The following ELP2 variants were observed in gnomAD, a reference collection of about 807,000 sequenced individuals.
ELP2 encodes the protein elongator acetyltransferase complex subunit 2, also known as elongator complex protein 2.
A neutral mutation model predicts 119.2 loss-of-function variants in ELP2; 90 were observed. The observed-to-expected ratio is 0.75, with a 90% CI of 0.64 to 0.90. The LOEUF (loss-of-function observed/expected upper bound fraction) is 0.90, where lower values mean the gene tolerates loss of function less well. ELP2 is among the 40% of genes least tolerant of loss of function. ELP2 has a pLI of 0.00. For synonymous variants in ELP2, 339 were observed against 331.0 expected, an observed-to-expected ratio of 1.02 and a Z score of -0.26; for missense variants, 921 against 967.8, an observed-to-expected ratio of 0.95 and a Z score of 0.64.
At chr18:36,164,704 A>C in intron 18 of ELP2, 37 bp downstream of exon 18, 1 of 1,588,202 alleles carries the variant, frequency 6.3e-7, no homozygotes, top group South Asian at 1.1e-5. Flanking sequence ...TATTAGTGAA[A>C]CAGTTATGTT....
chr18:36,179,007 G>C lies in ELP2; in HGVS notation c.*4366G>C, dbSNP rs745551325. The C allele has an allele frequency of 7.9e-5, 12 of 152,390 alleles. No homozygotes were observed. Among genetic ancestry groups the C allele is most frequent in the Non-Finnish European group, 1.6e-4 (11 of 68,034 alleles). The allele number at this position is 152,390 out of a possible 1,614,324, so 9.4% of individuals were successfully genotyped here. The stretch of plus-strand genomic sequence containing the variant: ...ATTGTGAGGAGTTCTTCCCCTTCTA[G>C]CATGTAGTGGATGGTCCAGTATTAA... On this transcript the variant is annotated 3_prime_UTR_variant, in exon 22 of 22. Coordinates refer to ENST00000358232, the MANE Select transcript of ELP2 (RefSeq NM_018255.4).
chr18:36,148,293 T>C (rs2090279130), intron 11 of ELP2, among the ~76,000 whole-genome samples: 1 of 151,876 alleles, frequency 6.6e-6, no homozygotes, highest in South Asian at 2.1e-4. Context: ...CGGGGCTTCA[T>C]GGTTTTAGCA....
intron 11 of ELP2, among the ~76,000 whole-genome samples, chr18:36,148,413 AGAGGCCT>A (rs1371631753): frequency 2.6e-5 from 4 of 152,202 alleles, no homozygotes; most frequent in African/African-American, 9.7e-5. Flanking sequence ...GGGGAAGATT[AGAGGCCT>A]GACCCTGAAG....
At chr18:36,154,483 C>G (rs760872462) in intron 11 of ELP2, among the ~76,000 whole-genome samples, 3 of 152,138 alleles carry the variant, frequency 2.0e-5, no homozygotes, top group Non-Finnish European at 4.4e-5. Flanking sequence ...TAGAATTGTC[C>G]TGTGTACTTT....
chr18:36,130,381 C>T (rs558119663), intron 1 of ELP2, among the ~76,000 whole-genome samples: 3 of 152,190 alleles, frequency 2.0e-5, no homozygotes, highest in East Asian at 3.8e-4. Context: ...AACTGTAGTA[C>T]CGTTAATCAA....
intron 1 of ELP2, among the ~76,000 whole-genome samples, chr18:36,131,026 T>C (rs970316562): frequency 1.7e-4 from 25 of 151,234 alleles, no homozygotes; most frequent in African/African-American, 4.1e-4. Context: ...AAAAAAAAAA[T>C]AGCTGGTTGT....
intron 5 of ELP2, chr18:36,139,590 T>G: frequency 2.0e-6 from 3 of 1,534,802 alleles, no homozygotes; most frequent in Non-Finnish European, 2.6e-6. Flanking sequence ...AGAATTTCAT[T>G]TCTTCCATCT....
chr18:36,164,791 CT>C (rs1469735444), intron 18 of ELP2, 124 bp downstream of exon 18: 1 of 931,424 alleles, frequency 1.1e-6, no homozygotes, highest in East Asian at 2.6e-5. Flanking sequence ...TCTTTGAAGC[CT>C]TTCAAAGTTC....
At chr18:36,171,439 T>A (rs1411778903) in intron 21 of ELP2, among the ~76,000 whole-genome samples, 2 of 152,258 alleles carry the variant, frequency 1.3e-5, no homozygotes, top group Admixed American at 1.3e-4. Flanking sequence ...AATGGTGTGT[T>A]GTAGAATTTG....
intron 2 of ELP2, among the ~76,000 whole-genome samples, chr18:36,133,953 A>T (rs1233792369): frequency 2.1e-4 from 24 of 112,906 alleles, no homozygotes; most frequent in Non-Finnish European, 3.3e-4. Context: ...TTTGTCACCC[A>T]GGCTGGAGTG....
At chr18:36,153,376 C>T (rs934944982) in intron 11 of ELP2, among the ~76,000 whole-genome samples, 6 of 152,182 alleles carry the variant, frequency 3.9e-5, no homozygotes, top group South Asian at 4.1e-4. Flanking sequence ...CACACGATTC[C>T]GTGAGTCAGG....
At chr18:36,161,561 C>G (rs1167827010) in intron 17 of ELP2, among the ~76,000 whole-genome samples, 2 of 152,128 alleles carry the variant, frequency 1.3e-5, no homozygotes, top group Admixed American at 6.5e-5. Flanking sequence ...TTGCATTTAC[C>G]TGGAAGGATG....
intron 2 of ELP2, among the ~76,000 whole-genome samples, chr18:36,134,597 G>A (rs1359581264): frequency 6.6e-6 from 1 of 152,098 alleles, no homozygotes; most frequent in Non-Finnish European, 1.5e-5. Flanking sequence ...AATTTCTAAT[G>A]TGGTTAATAT....
chr18:36,167,034 TCACTTCCTAA>T, intron 18 of ELP2, 57 bp from the exon 19 acceptor site: 1 of 1,505,744 alleles, frequency 6.6e-7, no homozygotes, highest in Non-Finnish European at 8.9e-7. Context: ...CACTTAAACA[TCACTTCCTAA>T]CAGGTAAAAA....
intron 17 of ELP2, among the ~76,000 whole-genome samples, chr18:36,161,305 A>G (rs1484636761): frequency 6.6e-6 from 1 of 152,180 alleles, no homozygotes; most frequent in Admixed American, 6.5e-5. Context: ...AGACATGAGA[A>G]TCACTTGAAC....
At chr18:36,155,911 AAGAT>A (rs758915710) in intron 12 of ELP2, among the ~76,000 whole-genome samples, 7 of 152,358 alleles carry the variant, frequency 4.6e-5, no homozygotes, top group South Asian at 2.1e-4. Flanking sequence ...CAAAATGTAA[AAGAT>A]AGATCCTGTT....
In ELP2 at chr18:36,156,552, T is replaced by G; in HGVS notation, c.1362T>G (p.Ser454=). ...LAMINRFQFV[S]GADEKVLRVF... The stretch of plus-strand genomic sequence containing the variant: ...TGATTAATCGGTTTCAGTTTGTATC[T>G]GGAGCAGATGAAAAAGTTCTTCGGG... Residue 454 remains serine, a synonymous_variant, in exon 13 of 22, where the codon TCT becomes TCG. Transcript: ENST00000358232. 2 of 1,614,164 alleles carry G rather than the reference T, an allele frequency of 1.2e-6. No homozygotes were observed. Among genetic ancestry groups the G allele is most frequent in the Non-Finnish European group, 8.5e-7 (1 of 1,180,006 alleles).
chr18:36,165,817 G>A (rs771232815), intron 18 of ELP2, among the ~76,000 whole-genome samples: 65 of 152,144 alleles, frequency 4.3e-4, no homozygotes, highest in Non-Finnish European at 8.7e-4. Context: ...GGGAGGCAGA[G>A]GTTGCAGTGA....
chr18:36,146,459 AC>A, intron 11 of ELP2, 78 bp downstream of exon 11: 1 of 1,500,776 alleles, frequency 6.7e-7, no homozygotes, highest in Non-Finnish European at 9.2e-7. Flanking sequence ...TGCTTATAAC[AC>A]TCTACAGAAA....
Sources: allele counts gnomAD v4.1 joint callset (sites outside exome capture counted in the v4.1 genomes callset), GRCh38; gene constraint gnomAD v4.1.1; transcripts MANE v1.5; gene names NCBI Gene and HGNC (gene_info 2026-07-23, HGNC 2026-07-21).